CIT: variants seen among roughly 807,000 people sequenced by gnomAD.
CIT encodes the protein citron Rho-interacting kinase.
Under a neutral mutation model 272.7 loss-of-function variants are expected in CIT, and 79 were observed. The ratio of observed to expected loss-of-function variants is 0.29; its 90% CI spans 0.24 to 0.35. The LOEUF is 0.35. CIT is among the 10% of genes least tolerant of loss of function. The pLI, the probability that CIT is intolerant of heterozygous loss-of-function variation, is 1.00. For missense variants in CIT, 1,909 were observed against 2,618.3 expected, an observed-to-expected ratio of 0.73 and a Z score of 5.91; for synonymous variants, 948 against 995.6, an observed-to-expected ratio of 0.95 and a Z score of 0.90.
chr12:119,701,600 G>C (rs372881627), intron 43 of CIT, 24 bp downstream of exon 43: 1 of 1,609,952 alleles, frequency 6.2e-7, no homozygotes, highest in Non-Finnish European at 8.5e-7. Flanking sequence ...ACCCAAAAGG[G>C]CAGTGGGCGC....
At chr12:119,828,801 C>A (rs753283072) in intron 7 of CIT, among the ~76,000 whole-genome samples, 2 of 152,116 alleles carry the variant, frequency 1.3e-5, no homozygotes, top group African/African-American at 4.8e-5. Flanking sequence ...CTCCTGACCT[C>A]AGGTGATCTG....
At position 119,690,478 on chromosome 12, in the gene CIT, G is replaced by T; in HGVS notation, c.5883-24C>A. The stretch of plus-strand genomic sequence containing the variant: ...TGCTGGCGACACAAGAGGAACGTAG[G>T]GAGCTGCGAGGCCACAACCCCAGAG... On this transcript the variant is annotated intron_variant, in intron 46 of 47. Coordinates refer to ENST00000392521, the MANE Select transcript of CIT (RefSeq NM_001206999.2). This position sits in a 1 kb window ranked among gnomAD's most constrained non-coding sequence, Gnocchi z 6.0. The T allele has an allele frequency of 6.5e-7, 1 of 1,546,160 alleles. No homozygotes were observed. The highest frequency in any genetic ancestry group is 8.6e-7 in the Non-Finnish European group (1 of 1,157,546).
intron 9 of CIT, among the ~76,000 whole-genome samples, chr12:119,805,497 C>T (rs1338210388): frequency 6.6e-6 from 1 of 152,250 alleles, no homozygotes; most frequent in East Asian, 1.9e-4. Context: ...GTCTTGAAAG[C>T]TAGTGACATA....
In CIT at chr12:119,767,080, TCTTTA is replaced by T. The variant is rs1373468948; in HGVS notation, c.2304+2_2304+6del. On this transcript the variant is annotated splice_donor_variant and splice_donor_5th_base_variant and intron_variant, in intron 19 of 47. Transcript: ENST00000392521. LOFTEE classifies it high-confidence loss of function. ...CAAGGCCAGGGAAGATCAGAAAATGTCTTTACTTTAATCTTTTCCTCATAGTGCTG... is the reference window on the plus strand; with the variant it reads ...CAAGGCCAGGGAAGATCAGAAAATGTCTTTAATCTTTTCCTCATAGTGCTG... 6.2e-7 allele frequency: 1 copy of T among 1,604,766 alleles called. No individual in the cohort carries two copies.
intron 22 of CIT, among the ~76,000 whole-genome samples, chr12:119,755,083 C>T (rs1334214629): frequency 6.6e-6 from 1 of 152,226 alleles, no homozygotes; most frequent in Non-Finnish European, 1.5e-5. Flanking sequence ...GCTTAAGGCT[C>T]ATGCCTGTAA....
At chr12:119,793,671 C>A (rs1288659206) in intron 10 of CIT, among the ~76,000 whole-genome samples, 1 of 152,174 alleles carries the variant, frequency 6.6e-6, no homozygotes, top group Admixed American at 6.5e-5. Context: ...GGCCTTTGCC[C>A]TTTTTTCCTC....
chr12:119,876,758 C>G (rs1258867009), intron 1 of CIT, among the ~76,000 whole-genome samples: 2 of 152,080 alleles, frequency 1.3e-5, no homozygotes, highest in African/African-American at 2.4e-5. Flanking sequence ...AACAGCCAAG[C>G]CAAAAGCACT....
At chr12:119,748,140 G>A (rs1005122009) in intron 23 of CIT, among the ~76,000 whole-genome samples, 1 of 152,062 alleles carries the variant, frequency 6.6e-6, no homozygotes, top group African/African-American at 2.4e-5. Flanking sequence ...ACTCCAGCCT[G>A]GGTGACAGAG....
chr12:119,832,727 T>C, intron 7 of CIT, 44 bp downstream of exon 7: 1 of 1,503,638 alleles, frequency 6.7e-7, no homozygotes, highest in Non-Finnish European at 9.3e-7. Context: ...CCAAGAATAC[T>C]TTTTAGTATA....
chr12:119,794,848 G>A (rs1323909799), intron 10 of CIT, among the ~76,000 whole-genome samples: 1 of 152,170 alleles, frequency 6.6e-6, no homozygotes, highest in Non-Finnish European at 1.5e-5. Context: ...TTCTACTCAT[G>A]GCACCAACAC....
At chr12:119,858,750 A>T (rs1950243511) in intron 3 of CIT, among the ~76,000 whole-genome samples, 1 of 150,936 alleles carries the variant, frequency 6.6e-6, no homozygotes. Flanking sequence ...TGAACCTGGG[A>T]GACAGAGCTT....
chr12:119,700,616 C>T lies in CIT; in HGVS notation c.5623+129G>A, dbSNP rs984379369. On this transcript the variant is annotated intron_variant, in intron 44 of 47. Transcript: ENST00000392521. ...CAGGCTGGGCTCAAACTCCTGACCT[C>T]ATGATCCACCCGCCTCGGCCTCCCA... 4 of 766,356 alleles carry T rather than the reference C, an allele frequency of 5.2e-6. No homozygotes were observed. In the African/African-American group the frequency reaches 6.9e-5, roughly 13 times the overall value. 47.5% of individuals were successfully genotyped at this position (766,356 alleles called of 1,614,324 possible).
At chr12:119,775,678 TG>T in intron 16 of CIT, 107 bp downstream of exon 16, 1 of 802,502 alleles carries the variant, frequency 1.2e-6, no homozygotes, top group East Asian at 2.5e-5. Context: ...TCCTCAGCGC[TG>T]GGTGACTAAT....
At chr12:119,833,628 G>A (rs1968793271) in intron 6 of CIT, among the ~76,000 whole-genome samples, 1 of 135,518 alleles carries the variant, frequency 7.4e-6, no homozygotes, top group Admixed American at 8.3e-5. Context: ...TGGTACCACT[G>A]CACTCCAGCC....
rs1474215668 is a variant in CIT at position 119,718,516 on chromosome 12, T to C, written c.4004-107A>G. On this transcript the variant is annotated intron_variant, in intron 31 of 47. Transcript: ENST00000392521. The surrounding 1 kb of genome is among the most constrained non-coding windows in gnomAD (Gnocchi z 4.8). ...TTTCAAGGACCCAAGACCAAAAGAA[T>C]ATGCGTCACATCAACTTGGCAATGC... 13 of 1,455,642 alleles carry C rather than the reference T, an allele frequency of 8.9e-6. No individual in the cohort carries two copies. The highest frequency in any genetic ancestry group is 1.2e-5 in the Non-Finnish European group (13 of 1,072,842). The allele number at this position is 1,455,642 out of a possible 1,614,324, so 90.2% of individuals were successfully genotyped here.
chr12:119,833,957 A>G, intron 6 of CIT, 129 bp downstream of exon 6: 2 of 942,700 alleles, frequency 2.1e-6, no homozygotes, highest in Non-Finnish European at 3.1e-6. Flanking sequence ...AGTTATTGGT[A>G]GACTGGCTAA....
chr12:119,852,845 G>A (rs1353752943), intron 4 of CIT, among the ~76,000 whole-genome samples: 1 of 151,958 alleles, frequency 6.6e-6, no homozygotes, highest in Non-Finnish European at 1.5e-5. Flanking sequence ...TATTCTATGT[G>A]TATATACATT....
At chr12:119,702,355 C>T (rs1956639532) in intron 41 of CIT, among the ~76,000 whole-genome samples, 1 of 152,018 alleles carries the variant, frequency 6.6e-6, no homozygotes, top group Admixed American at 6.6e-5. Flanking sequence ...ACTAAGAAAA[C>T]AAGGTCAAAC....
chr12:119,688,194 G>A lies in CIT; in HGVS notation c.*38C>T, dbSNP rs1429968147. Reference sequence around the variant, plus strand: ...TCCATAGTGTGTTTGGTGTTTTCCTGCAGATCAAGATGAGGAGTTGGTTTT... The same window carrying A: ...TCCATAGTGTGTTTGGTGTTTTCCTACAGATCAAGATGAGGAGTTGGTTTT... On this transcript the variant is annotated 3_prime_UTR_variant, in exon 48 of 48. Coordinates refer to ENST00000392521, the MANE Select transcript of CIT (RefSeq NM_001206999.2). The A allele has an allele frequency of 3.1e-6, 5 of 1,603,062 alleles. No individual in the cohort carries two copies. In the African/African-American group the frequency reaches 6.7e-5, roughly 21 times the overall value.
Sources: gnomAD v4.1 joint callset for allele counts (sites outside exome capture counted in the v4.1 genomes callset) on GRCh38, gnomAD v4.1.1 for gene constraint, Gnocchi (gnomAD v3.1) non-coding constraint, MANE v1.5 for transcripts, NCBI Gene and HGNC (gene_info 2026-07-23, HGNC 2026-07-21) for gene names.